The following LTBP1 variants were observed in gnomAD, a reference collection of about 807,000 sequenced individuals.
LTBP1 encodes latent-transforming growth factor beta-binding protein 1.
In LTBP1, 129 loss-of-function variants were observed where a neutral mutation model predicts 207.6. The ratio of observed to expected loss-of-function variants is 0.62; its 90% confidence interval spans 0.54 to 0.72. The LOEUF is 0.72. Ranked by LOEUF, LTBP1 falls within the 30% of genes least tolerant of loss-of-function variation. LTBP1 has a pLI of 0.00. For synonymous variants in LTBP1, 963 were observed against 833.7 expected (o/e 1.16, Z -2.67); for missense variants, 2,281 against 2,217.2 (o/e 1.03, Z -0.58).
chr2:33,202,617 T>C (rs2089436622), intron 7 of LTBP1, among the ~76,000 whole-genome samples: 1 of 152,206 alleles, frequency 6.6e-6, no homozygotes, highest in South Asian at 2.1e-4. Context: ...CTAAACTGAG[T>C]CCATAAACTA....
rs114319564 is a variant in LTBP1 at position 33,184,012 on chromosome 2, C to G, written c.1202-2844C>G. 8.7e-3 allele frequency among the ~76,000 whole-genome samples: 1,332 copies of G among 152,248 alleles called. 21 individuals carry two copies. The highest frequency in any genetic ancestry group is 0.037 in the Middle Eastern group (11 of 294). On this transcript the variant is annotated intron_variant, in intron 5 of 33. Transcript: ENST00000404816. ...TTTCTCCCCTCTTCCTTGGCCTGCTCTTTTCCTCCTGTGTCCCATCATCAA... is the reference window on the plus strand; with the variant it reads ...TTTCTCCCCTCTTCCTTGGCCTGCTGTTTTCCTCCTGTGTCCCATCATCAA...
chr2:33,057,161 A>G (rs373854368), intron 3 of LTBP1, among the ~76,000 whole-genome samples: 4 of 151,594 alleles, frequency 2.6e-5, no homozygotes, highest in Admixed American at 6.6e-5. Flanking sequence ...AGCTAGACAT[A>G]ATGATCCAAG....
intron 4 of LTBP1, among the ~76,000 whole-genome samples, chr2:33,122,398 G>A (rs1460936477): frequency 6.6e-6 from 1 of 152,192 alleles, no homozygotes; most frequent in Non-Finnish European, 1.5e-5. Context: ...TGGTAAAAGT[G>A]ATACTATGGG....
Position 33,310,265 on chromosome 2 carries a change from C to A in LTBP1, c.3604+709C>A, listed in dbSNP as rs945008958. ...CTGGCTCACCATTGCTTTTTCTCTTCCTAAAAAGCCTCACTAATAATTTGG... is the reference window on the plus strand; with the variant it reads ...CTGGCTCACCATTGCTTTTTCTCTTACTAAAAAGCCTCACTAATAATTTGG... On this transcript the variant is annotated intron_variant, in intron 23 of 33. Coordinates refer to ENST00000404816, the MANE Select transcript of LTBP1 (RefSeq NM_206943.4). Among the ~76,000 whole-genome samples, 66 of 152,228 alleles carry A rather than the reference C, an allele frequency of 4.3e-4. 1 individual carries two copies. Among genetic ancestry groups the A allele is most frequent in the African/African-American group, 7.2e-5 (3 of 41,556 alleles).
At chr2:33,288,769 C>T (rs1477285369) in intron 19 of LTBP1, among the ~76,000 whole-genome samples, 10 of 151,234 alleles carry the variant, frequency 6.6e-5, no homozygotes, top group East Asian at 3.9e-4. Context: ...GCAGGAGAAT[C>T]GCTTGAACCC....
chr2:33,075,509 A>C (rs534294435), intron 3 of LTBP1, among the ~76,000 whole-genome samples: 91 of 152,338 alleles, frequency 6.0e-4, no homozygotes, highest in African/African-American at 2.2e-3. Flanking sequence ...TGTTGGTCCT[A>C]TCAAAGAAAT....
intron 32 of LTBP1, among the ~76,000 whole-genome samples, chr2:33,389,670 C>T (rs571740179): frequency 8.6e-4 from 131 of 152,292 alleles, no homozygotes; most frequent in African/African-American, 3.1e-3. Context: ...GATGGAGTCT[C>T]GCTGTGTCAC....
intron 3 of LTBP1, among the ~76,000 whole-genome samples, chr2:33,062,096 C>A (rs935005203): frequency 9.9e-5 from 15 of 152,114 alleles, no homozygotes; most frequent in African/African-American, 2.7e-4. Context: ...TATTAACCAT[C>A]TGTATATTCC....
chr2:33,384,871 G>C (rs1023659575), intron 31 of LTBP1, among the ~76,000 whole-genome samples: 1 of 152,074 alleles, frequency 6.6e-6, no homozygotes, highest in Non-Finnish European at 1.5e-5. Flanking sequence ...GTGGCTTGGG[G>C]TGCCCAGAGG....
chr2:33,220,433 T>C (rs909551225), intron 8 of LTBP1, among the ~76,000 whole-genome samples: 7 of 152,258 alleles, frequency 4.6e-5, no homozygotes, highest in Non-Finnish European at 8.8e-5. Context: ...AGACCTTTCA[T>C]TGTTGATCAT....
intron 3 of LTBP1, among the ~76,000 whole-genome samples, chr2:33,108,090 C>T (rs562605516): frequency 5.3e-5 from 8 of 152,166 alleles, no homozygotes; most frequent in African/African-American, 1.9e-4. Context: ...ACAGTGGACA[C>T]CAACCACGAA....
chr2:33,102,880 G>T (rs931109328), intron 3 of LTBP1, among the ~76,000 whole-genome samples: 4 of 151,312 alleles, frequency 2.6e-5, no homozygotes, highest in Non-Finnish European at 5.9e-5. Context: ...AATCTGTAAT[G>T]CTCTGTATGC....
chr2:33,384,873 G>A (rs901828413), intron 31 of LTBP1, among the ~76,000 whole-genome samples: 35 of 152,044 alleles, frequency 2.3e-4, no homozygotes, highest in African/African-American at 8.5e-4. Flanking sequence ...GGCTTGGGGT[G>A]CCCAGAGGCC....
At chr2:33,191,667 G>C (rs1242390617) in intron 7 of LTBP1, among the ~76,000 whole-genome samples, 1 of 152,204 alleles carries the variant, frequency 6.6e-6, no homozygotes, top group African/African-American at 2.4e-5. Context: ...TGGTTGGTTT[G>C]CAAACGTAGC....
At chr2:33,101,244 C>T (rs2079714977) in intron 3 of LTBP1, among the ~76,000 whole-genome samples, 1 of 152,026 alleles carries the variant, frequency 6.6e-6, no homozygotes, top group Non-Finnish European at 1.5e-5. Flanking sequence ...TTACAAATAA[C>T]TTCAAAAAAA....
At chr2:32,977,508 G>T (rs927942614) in intron 2 of LTBP1, among the ~76,000 whole-genome samples, 2 of 152,184 alleles carry the variant, frequency 1.3e-5, no homozygotes, top group African/African-American at 4.8e-5. Flanking sequence ...CTCTACTGGG[G>T]TTATGTCACT....
At chr2:33,088,064 A>G (rs189934613) in intron 3 of LTBP1, among the ~76,000 whole-genome samples, 161 of 152,376 alleles carry the variant, frequency 1.1e-3, no homozygotes, top group African/African-American at 3.8e-3. Flanking sequence ...GGAAAGCACC[A>G]GGCATGTCAA....
At chr2:33,106,112 C>G (rs559998628) in intron 3 of LTBP1, among the ~76,000 whole-genome samples, 6 of 152,300 alleles carry the variant, frequency 3.9e-5, no homozygotes, top group South Asian at 2.1e-4. Flanking sequence ...AGTTCTTCAT[C>G]CCTTCAAGTC....
At chr2:32,970,649 GGTTACTGTAGCCTTGTAGTGTA>G (rs2148573312) in intron 2 of LTBP1, among the ~76,000 whole-genome samples, 1 of 152,080 alleles carries the variant, frequency 6.6e-6, no homozygotes, top group South Asian at 2.1e-4. Flanking sequence ...ATGCTATTTT[GGTTACTGTAGCCTTGTAGTGTA>G]GTTCCAAGTC....
Sources: allele counts gnomAD v4.1 joint callset (sites outside exome capture counted in the v4.1 genomes callset), GRCh38; gene constraint gnomAD v4.1.1; transcripts MANE v1.5; gene names NCBI Gene and HGNC (gene_info 2026-07-23, HGNC 2026-07-21).